Variants in NRDC observed in about 807,000 individuals in gnomAD.
NRDC encodes nardilysin convertase, also known as nardilysin.
NRDC carries 54 observed loss-of-function variants against 147.1 expected under a neutral mutation model. The observed-to-expected ratio is 0.37, with a 90% CI of 0.29 to 0.46. The LOEUF (loss-of-function observed/expected upper bound fraction) is 0.46. Ranked by LOEUF, NRDC falls within the 20% of genes least tolerant of loss-of-function variation. The probability of loss-of-function intolerance (pLI) is 1.00; values close to 1 mark genes in which losing one functional copy is unlikely to be tolerated. For synonymous variants in NRDC, 440 were observed against 482.1 expected (o/e 0.91, Z 1.14); for missense variants, 1,082 against 1,370.6 (o/e 0.79, Z 3.33).
intron 2 of NRDC, chr1:51,837,753 T>C: frequency 1.6e-6 from 1 of 640,168 alleles, no homozygotes. Context: ...AATTTCAACC[T>C]TGTTAATTTA....
chr1:51,848,230 C>CTT (rs886231005), intron 1 of NRDC, among the ~76,000 whole-genome samples: 7 of 152,202 alleles, frequency 4.6e-5, no homozygotes, highest in African/African-American at 1.7e-4. Context: ...AATCCCAGCA[C>CTT]TTTGAGAGGC....
At chr1:51,846,712 A>T (rs1681633385) in intron 1 of NRDC, among the ~76,000 whole-genome samples, 1 of 152,238 alleles carries the variant, frequency 6.6e-6, no homozygotes, top group African/African-American at 2.4e-5. Context: ...ATTTATCGCC[A>T]ACAGCGATGG....
intron 10 of NRDC, 66 bp from the exon 11 acceptor site, chr1:51,816,455 C>T: frequency 1.3e-6 from 1 of 766,220 alleles, no homozygotes; most frequent in Non-Finnish European, 2.1e-6. Flanking sequence ...AAAATCTTAC[C>T]TCTAAGGCTA....
At chr1:51,831,039 A>C (rs1005686471) in intron 4 of NRDC, among the ~76,000 whole-genome samples, 1 of 152,240 alleles carries the variant, frequency 6.6e-6, no homozygotes, top group Non-Finnish European at 1.5e-5. Flanking sequence ...CTTATGGCAT[A>C]AATTTATGAT....
intron 1 of NRDC, among the ~76,000 whole-genome samples, chr1:51,856,208 C>T (rs780082030): frequency 5.3e-5 from 8 of 152,118 alleles, no homozygotes; most frequent in Admixed American, 1.3e-4. Context: ...AACTCTCAAA[C>T]GGTTTTTCTT....
intron 1 of NRDC, among the ~76,000 whole-genome samples, chr1:51,849,589 G>A (rs1310223274): frequency 1.3e-5 from 2 of 151,996 alleles, no homozygotes; most frequent in African/African-American, 2.4e-5. Context: ...GGTGGAGGTG[G>A]ATGGATCACG....
At chr1:51,825,830 C>T (rs559452875) in intron 5 of NRDC, among the ~76,000 whole-genome samples, 8 of 152,220 alleles carry the variant, frequency 5.3e-5, no homozygotes, top group Admixed American at 1.3e-4. Flanking sequence ...CTTTAGCTAC[C>T]GCTAAAGACT....
chr1:51,796,168 A>G (rs1678895672), intron 22 of NRDC, among the ~76,000 whole-genome samples: 1 of 151,766 alleles, frequency 6.6e-6, no homozygotes, highest in Non-Finnish European at 1.5e-5. Context: ...GGCATAAGCC[A>G]CCATGTCCAG....
intron 4 of NRDC, among the ~76,000 whole-genome samples, chr1:51,830,690 TC>T (rs1334968537): frequency 6.6e-6 from 1 of 152,194 alleles, no homozygotes; most frequent in Admixed American, 6.5e-5. Flanking sequence ...GAAGTGGACA[TC>T]CTAAGCTTTG....
At chr1:51,807,551 T>C (rs1444786399) in intron 17 of NRDC, among the ~76,000 whole-genome samples, 1 of 151,716 alleles carries the variant, frequency 6.6e-6, no homozygotes, top group Non-Finnish European at 1.5e-5. Context: ...TAGAAACAAA[T>C]TAAAAATTAG....
Position 51,792,386 on chromosome 1 carries a change from C to T in NRDC, c.2814G>A (p.Glu938=), listed in dbSNP as rs1163698144. ...TRSLREYTLM[E]LLVMHMEEPC... is the part of the protein sequence containing the mutation. Reference sequence around the variant, plus strand: ...TCCTTTATGCACTTACCACAAGCAGCTCCATAAGCGTATATTCTCTTAGAC... The same window carrying T: ...TCCTTTATGCACTTACCACAAGCAGTTCCATAAGCGTATATTCTCTTAGAC... The change falls in exon 25 of 31, where the codon GAG becomes GAA. Residue 938 remains glutamate, a synonymous_variant. Transcript: ENST00000352171. 6.2e-7 allele frequency: 1 copy of T among 1,614,012 alleles called. No homozygotes were observed. Among genetic ancestry groups the T allele is most frequent in the Non-Finnish European group, 8.5e-7 (1 of 1,179,994 alleles).
intron 1 of NRDC, among the ~76,000 whole-genome samples, chr1:51,853,250 G>T (rs1682072537): frequency 1.3e-5 from 2 of 150,726 alleles, no homozygotes; most frequent in Non-Finnish European, 1.5e-5. Flanking sequence ...TTATATAAAA[G>T]AATTCCTTTA....
At chr1:51,803,601 C>T (rs550559785) in intron 20 of NRDC, among the ~76,000 whole-genome samples, 1 of 152,228 alleles carries the variant, frequency 6.6e-6, no homozygotes, top group East Asian at 1.9e-4. Flanking sequence ...AAAGCATGGG[C>T]TATAATCCCA....
Position 51,803,969 on chromosome 1 carries a change from G to A in NRDC, c.2163-5C>T. ...AAGATATCAAAGAGGACCACACTAA[G>A]AAGTACAAAATGCAAATGGCATCTT... is the stretch of plus-strand genomic sequence containing the variant. On this transcript the variant is annotated splice_polypyrimidine_tract_variant and splice_region_variant and intron_variant, in intron 19 of 30. Coordinates refer to ENST00000352171, the MANE Select transcript of NRDC (RefSeq NM_001101662.2). 2 of 1,569,776 alleles carry A rather than the reference G, an allele frequency of 1.3e-6. No homozygotes were observed. Among genetic ancestry groups the A allele is most frequent in the Non-Finnish European group, 1.7e-6 (2 of 1,157,792 alleles).
In NRDC at chr1:51,814,550, CCTT is replaced by C; in HGVS notation, c.1617_1619del (p.Arg540del). 3 of 1,613,460 alleles carry C rather than the reference CCTT, an allele frequency of 1.9e-6. No individual in the cohort carries two copies. The highest frequency in any genetic ancestry group is 2.5e-6 in the Non-Finnish European group (3 of 1,179,486). On this transcript the variant is annotated inframe_deletion and splice_region_variant, in exon 13 of 31. Coordinates refer to ENST00000352171, the MANE Select transcript of NRDC (RefSeq NM_001101662.2). The stretch of plus-strand genomic sequence containing the variant: ...GCCTCATTCCAGGAAGTGTTTATTA[CCTT>C]TTTTCTGGGCCTAGCTTCTGCAGCA...
rs1243488566 is a variant in NRDC, at chr1:51,812,063, C to A, written c.1710G>T (p.Glu570Asp). ...DPVEYVENMCENMQLYPLQDI... is the reference protein window; with the variant it reads ...DPVEYVENMCDNMQLYPLQDI... ...CCTGCAATGGGTACAGCTGCATGTTCTCACACATGTTTTCCACATACTCAA... is the reference window on the plus strand; with the variant it reads ...CCTGCAATGGGTACAGCTGCATGTTATCACACATGTTTTCCACATACTCAA... The change falls in exon 15 of 31, where the codon GAG (glutamate) becomes GAT (aspartate). Residue 570 changes from glutamate (E) to aspartate (D), a missense_variant. This residue lies in a region of NRDC where 635 missense variants were observed against 923.8 expected (regional missense o/e 0.69). Coordinates refer to ENST00000352171, the MANE Select transcript of NRDC (RefSeq NM_001101662.2). 2 of 1,613,934 alleles carry A rather than the reference C, an allele frequency of 1.2e-6. No homozygotes were observed. The highest frequency in any genetic ancestry group is 4.5e-5 in the East Asian group (2 of 44,868).
chr1:51,829,970 T>C (rs561277820), intron 4 of NRDC, among the ~76,000 whole-genome samples: 54 of 147,716 alleles, frequency 3.7e-4, no homozygotes, highest in African/African-American at 1.4e-3. Flanking sequence ...TATTTCTTTT[T>C]TTTTTTTTTT....
At chr1:51,830,683 G>A (rs1680668925) in intron 4 of NRDC, among the ~76,000 whole-genome samples, 2 of 152,186 alleles carry the variant, frequency 1.3e-5, no homozygotes, top group Non-Finnish European at 2.9e-5. Context: ...CCTGTTAGAA[G>A]TGGACATCCT....
chr1:51,838,874 C>CT (rs1001943170), intron 2 of NRDC, among the ~76,000 whole-genome samples: 152 of 151,966 alleles, frequency 1.0e-3, no homozygotes, highest in African/African-American at 3.6e-3. Flanking sequence ...ATATATATAC[C>CT]TTTTTTTCCC....
Sources: gnomAD v4.1 joint callset for allele counts (sites outside exome capture counted in the v4.1 genomes callset) on GRCh38, gnomAD v4.1.1 for gene constraint, gnomAD v4.1.1 regional missense constraint, MANE v1.5 for transcripts, NCBI Gene and HGNC (gene_info 2026-07-23, HGNC 2026-07-21) for gene names.